The following PAK5 variants were observed in gnomAD, a reference collection of about 807,000 sequenced individuals.
The protein encoded by PAK5 is serine/threonine-protein kinase PAK 5.
In PAK5, 16 loss-of-function variants were observed where a neutral mutation model predicts 65.9. That is an observed-to-expected ratio of 0.24 (90% CI 0.16 to 0.37). The LOEUF (loss-of-function observed/expected upper bound fraction) is 0.37, where lower values mean the gene tolerates loss of function less well. PAK5 is among the 10% of genes least tolerant of loss of function. PAK5 has a pLI of 1.00. For synonymous variants in PAK5, 371 were observed against 354.9 expected, an observed-to-expected ratio of 1.05 and a Z score of -0.51; for missense variants, 785 against 903.9, an observed-to-expected ratio of 0.87 and a Z score of 1.69.
intron 1 of PAK5, among the ~76,000 whole-genome samples, chr20:9,759,568 C>A (rs565808343): frequency 6.6e-6 from 1 of 152,258 alleles, no homozygotes; most frequent in East Asian, 1.9e-4. Context: ...GAATTTGCAT[C>A]TCTATCAAGC....
At chr20:9,731,691 T>G (rs963873490) in intron 1 of PAK5, among the ~76,000 whole-genome samples, 6 of 152,320 alleles carry the variant, frequency 3.9e-5, no homozygotes, top group South Asian at 4.1e-4. Context: ...TTTATTTTAG[T>G]TTTAAAATAT....
chr20:9,566,212 A>C lies in PAK5; in HGVS notation c.1163T>G (p.Leu388Arg). The part of the protein sequence containing the change: ...HKATLYHHPS[L>R]QSSSQYISTA... ...GGAGATGTACTGCGAACTGCTCTGCAGGGAGGGGTGATGGTACAAGGTGGC... is the reference window on the plus strand; with the variant it reads ...GGAGATGTACTGCGAACTGCTCTGCCGGGAGGGGTGATGGTACAAGGTGGC... The change falls in exon 5 of 10, where the codon CTG (leucine) becomes CGG (arginine). Residue 388 changes from leucine (L) to arginine (R), a missense_variant. Around this residue, in one of 4 missense-constraint regions of PAK5, gnomAD observed 422 missense variants for 413.3 expected, o/e 1.02. Transcript: ENST00000353224. The C allele has an allele frequency of 6.2e-7, 1 of 1,613,872 alleles. No homozygotes were observed. Among genetic ancestry groups the C allele is most frequent in the Non-Finnish European group, 8.5e-7 (1 of 1,179,956 alleles).
chr20:9,625,100 G>A (rs2224608), intron 3 of PAK5, among the ~76,000 whole-genome samples: 136,192 of 152,074 alleles, frequency 0.9, 61,190 homozygotes, highest in East Asian at 1. Context: ...ATCTCCACTG[G>A]CATCACTGTC....
At chr20:9,814,500 C>T (rs531027823) in intron 1 of PAK5, among the ~76,000 whole-genome samples, 26 of 152,066 alleles carry the variant, frequency 1.7e-4, no homozygotes, top group Middle Eastern at 3.4e-3. Flanking sequence ...TTAGGAATCA[C>T]TGAGAAAGAA....
chr20:9,713,415 G>A (rs903636846), intron 1 of PAK5, among the ~76,000 whole-genome samples: 1 of 152,212 alleles, frequency 6.6e-6, no homozygotes, highest in African/African-American at 2.4e-5. Flanking sequence ...GCTGTTGGTG[G>A]GAATGTAAAG....
intron 2 of PAK5, among the ~76,000 whole-genome samples, chr20:9,659,412 A>C (rs2047313699): frequency 6.6e-6 from 1 of 152,130 alleles, no homozygotes; most frequent in Non-Finnish European, 1.5e-5. Context: ...CCTCCTGGTG[A>C]GACTATGGGC....
intron 3 of PAK5, among the ~76,000 whole-genome samples, chr20:9,590,014 G>T (rs1397034130): frequency 6.6e-6 from 1 of 151,854 alleles, no homozygotes; most frequent in Non-Finnish European, 1.5e-5. Flanking sequence ...TGAAGACAAG[G>T]TCTTGCTCTG....
rs573552445 is a variant in PAK5 at position 9,539,214 on chromosome 20, G to C, written c.*248C>G. The C allele has an allele frequency of 2.7e-4, 107 of 394,482 alleles. No individual in the cohort carries two copies. Among genetic ancestry groups the C allele is most frequent in the Non-Finnish European group, 4.3e-4 (93 of 214,420 alleles). The allele number at this position is 394,482 out of a possible 1,614,324, so 24.4% of individuals were successfully genotyped here. A position where few individuals can be genotyped will look rare whatever the true frequency, so the allele number is the denominator to read the frequency against. The stretch of plus-strand genomic sequence containing the variant: ...AGTCCTTCTGATTTGCTGGATGAAG[G>C]GCTGAAAAATATAATAATGACTTAT... On this transcript the variant is annotated 3_prime_UTR_variant, in exon 10 of 10. Coordinates refer to ENST00000353224, the MANE Select transcript of PAK5 (RefSeq NM_177990.4).
chr20:9,700,851 G>A (rs905538570), intron 2 of PAK5, among the ~76,000 whole-genome samples: 2 of 152,088 alleles, frequency 1.3e-5, no homozygotes, highest in Admixed American at 1.3e-4. Context: ...AACATGTTTT[G>A]TTCCCCCAGA....
At chr20:9,665,202 G>T (rs540723397) in intron 2 of PAK5, among the ~76,000 whole-genome samples, 1 of 147,032 alleles carries the variant, frequency 6.8e-6, no homozygotes, top group Non-Finnish European at 1.5e-5. Flanking sequence ...TTATAGGCAT[G>T]AGCCACTGTG....
chr20:9,722,505 G>A (rs996280134), intron 1 of PAK5, among the ~76,000 whole-genome samples: 25 of 151,638 alleles, frequency 1.6e-4, no homozygotes, highest in African/African-American at 5.3e-4. Flanking sequence ...CCAGCTACTC[G>A]GGAGGCTGAG....
chr20:9,826,021 T>C lies in PAK5; in HGVS notation c.-162+12741A>G, dbSNP rs114499689. ...CCTGATTACAGGCAGTAGGGAGTGA[T>C]GGGGACTGTGACAAAGTGAAGACTC... On this transcript the variant is annotated intron_variant, in intron 1 of 9. Transcript: ENST00000353224. 6.2e-3 allele frequency among the ~76,000 whole-genome samples: 949 copies of C among 152,224 alleles called. 6 individuals carry two copies. The highest frequency in any genetic ancestry group is 0.019 in the African/African-American group (807 of 41,546).
chr20:9,688,042 G>C (rs2047743689), intron 2 of PAK5, among the ~76,000 whole-genome samples: 3 of 151,972 alleles, frequency 2.0e-5, no homozygotes, highest in Admixed American at 2.0e-4. Context: ...CAGGGACTGG[G>C]ATAAGGATGT....
chr20:9,768,754 G>T lies in PAK5; in HGVS notation c.-161-57319C>A, dbSNP rs1169886521. 6.2e-5 allele frequency among the ~76,000 whole-genome samples: 8 copies of T among 128,386 alleles called. 1 individual carries two copies. The highest frequency in any genetic ancestry group is 2.5e-4 in the South Asian group (1 of 4,078). The allele number at this position is 128,386 out of a possible 152,430, so 84.2% of individuals were successfully genotyped here. On this transcript the variant is annotated intron_variant, in intron 1 of 9. Transcript: ENST00000353224. The stretch of plus-strand genomic sequence containing the variant: ...ACCAAGTTCACACCACTGCACTCCA[G>T]CCTGGGCAACAGAGCAACAGAGCGA...
intron 5 of PAK5, among the ~76,000 whole-genome samples, 162 bp from the exon 6 acceptor site, chr20:9,563,186 G>A (rs2297348): frequency 0.17 from 25,133 of 152,124 alleles, 3,217 homozygotes; most frequent in African/African-American, 0.35. Context: ...AGGGTAGCTA[G>A]TAGAAATAAA....
intron 1 of PAK5, among the ~76,000 whole-genome samples, chr20:9,770,732 C>T (rs555760403): frequency 1.3e-5 from 2 of 152,126 alleles, no homozygotes; most frequent in East Asian, 3.9e-4. Flanking sequence ...GAGTGAGAGA[C>T]AACAGAAAGG....
At chr20:9,718,019 T>A (rs2048170658) in intron 1 of PAK5, among the ~76,000 whole-genome samples, 1 of 152,052 alleles carries the variant, frequency 6.6e-6, no homozygotes, top group Non-Finnish European at 1.5e-5. Flanking sequence ...ATTCAAAACA[T>A]ATAACAACTG....
chr20:9,537,412 T>C lies in PAK5; in HGVS notation c.*2050A>G, dbSNP rs2122865121. The C allele has an allele frequency of 5.0e-6, 1 of 200,174 alleles. No individual in the cohort carries two copies. Among genetic ancestry groups the C allele is most frequent in the East Asian group, 7.8e-5 (1 of 12,872 alleles). 12.4% of individuals were successfully genotyped at this position (200,174 alleles called of 1,614,324 possible). ...GGGAAAAGGCAAACATTTATTTTTA[T>C]TTGCAAATGCAGTTTCTGCCAATAG... On this transcript the variant is annotated 3_prime_UTR_variant, in exon 10 of 10. Transcript: ENST00000353224.
intron 1 of PAK5, among the ~76,000 whole-genome samples, chr20:9,747,745 A>G (rs2123606386): frequency 6.6e-6 from 1 of 151,810 alleles, no homozygotes; most frequent in East Asian, 1.9e-4. Flanking sequence ...AATGGGCAAA[A>G]ACTGGAAGCA....
Sources: allele counts gnomAD v4.1 joint callset (sites outside exome capture counted in the v4.1 genomes callset), GRCh38; gene constraint gnomAD v4.1.1; regional missense constraint gnomAD v4.1.1; transcripts MANE v1.5; gene names NCBI Gene and HGNC (gene_info 2026-07-23, HGNC 2026-07-21).